DCDC1: variants seen among roughly 807,000 people sequenced by gnomAD.
DCDC1 encodes the protein doublecortin domain containing 1, also known as doublecortin domain-containing protein 1.
A neutral mutation model predicts 178.3 loss-of-function variants in DCDC1; 200 were observed. The observed-to-expected ratio is 1.12, with a 90% CI of 1.00 to 1.26. DCDC1 has a LOEUF of 1.26. Ranked by LOEUF, DCDC1 falls within the 50% of genes most tolerant of loss-of-function variation. The probability of loss-of-function intolerance (pLI) is 0.00; values close to 1 mark genes in which losing one functional copy is unlikely to be tolerated. For synonymous variants in DCDC1, 690 were observed against 604.8 expected (o/e 1.14, Z -2.07); for missense variants, 1,983 against 1,749.2 (o/e 1.13, Z -2.38).
intron 4 of DCDC1, 26 bp downstream of exon 4, chr11:31,307,613 A>T (rs1411027262): frequency 6.2e-7 from 1 of 1,610,138 alleles, no homozygotes; most frequent in Non-Finnish European, 8.5e-7. Flanking sequence ...AATAGGTTAA[A>T]AAGAACAGAG....
At chr11:30,978,957 T>G (rs1372079182) in intron 20 of DCDC1, among the ~76,000 whole-genome samples, 1 of 152,198 alleles carries the variant, frequency 6.6e-6, no homozygotes, top group African/African-American at 2.4e-5. Context: ...TACATGTACA[T>G]GTAGGGACTT....
At chr11:30,980,167 G>A (rs1950321205) in intron 20 of DCDC1, among the ~76,000 whole-genome samples, 1 of 152,132 alleles carries the variant, frequency 6.6e-6, no homozygotes, top group Non-Finnish European at 1.5e-5. Context: ...CATCCCCAGT[G>A]CCTAGCACAG....
chr11:31,127,086 A>G lies in DCDC1; in HGVS notation c.1485+383T>C, dbSNP rs144081508. On this transcript the variant is annotated intron_variant, in intron 11 of 38. Coordinates refer to ENST00000684477, the MANE Select transcript of DCDC1 (RefSeq NM_001387274.1). ...ACCTGGCCTTTCACCTTCAATTTCT[A>G]TTGCCACTGTCTGTCAACTATTAAA... Among the ~76,000 whole-genome samples, 574 of 152,268 alleles carry G rather than the reference A, an allele frequency of 3.8e-3. 4 individuals are homozygous for G. Among genetic ancestry groups the G allele is most frequent in the African/African-American group, 0.013 (552 of 41,566 alleles).
intron 20 of DCDC1, among the ~76,000 whole-genome samples, chr11:31,022,379 A>G (rs969389355): frequency 1.3e-5 from 2 of 152,046 alleles, no homozygotes; most frequent in African/African-American, 2.4e-5. Context: ...CCTCTTCTTC[A>G]AAGGACACCA....
At chr11:31,276,989 A>G (rs1315267601) in intron 7 of DCDC1, among the ~76,000 whole-genome samples, 1 of 152,168 alleles carries the variant, frequency 6.6e-6, no homozygotes, top group East Asian at 1.9e-4. Context: ...GTTGATTTAT[A>G]ATGTACATGA....
In DCDC1 at chr11:31,238,347, G is replaced by C. The variant is rs189450772; in HGVS notation, c.1221+3103C>G. Among the ~76,000 whole-genome samples, 16 of 152,144 alleles carry C rather than the reference G, an allele frequency of 1.1e-4. No homozygotes were observed. The East Asian group carries it at 3.1e-3, about 29-fold the overall frequency. On this transcript the variant is annotated intron_variant, in intron 9 of 38. Coordinates refer to ENST00000684477, the MANE Select transcript of DCDC1 (RefSeq NM_001387274.1). ...TTTTGTTTACTGACAGCAACTAAAA[G>C]CTCTATGTGGGATGATAAATAAAGA... is the stretch of plus-strand genomic sequence containing the variant.
At chr11:31,309,615 T>C (rs1948652083) in intron 3 of DCDC1, among the ~76,000 whole-genome samples, 1 of 152,158 alleles carries the variant, frequency 6.6e-6, no homozygotes, top group South Asian at 2.1e-4. Flanking sequence ...AATAGTTACT[T>C]GAAGAGCAGA....
At chr11:30,873,378 G>GAA (rs1941811196) in intron 38 of DCDC1, among the ~76,000 whole-genome samples, 3 of 151,098 alleles carry the variant, frequency 2.0e-5, no homozygotes, top group East Asian at 1.9e-4. Context: ...GAGAGAGAGA[G>GAA]AGAGAGAGAA....
At chr11:31,249,189 C>A (rs35422373) in intron 8 of DCDC1, among the ~76,000 whole-genome samples, 2,101 of 152,178 alleles carry the variant, frequency 0.014, 30 homozygotes, top group South Asian at 0.055. Flanking sequence ...ATGATTATAT[C>A]TTCATGAATA....
At chr11:31,022,420 G>C (rs1952933910) in intron 20 of DCDC1, among the ~76,000 whole-genome samples, 1 of 151,868 alleles carries the variant, frequency 6.6e-6, no homozygotes, top group African/African-American at 2.4e-5. Flanking sequence ...ACCTTAATTT[G>C]GTATAACCTC....
chr11:31,045,198 G>A (rs1954752754), intron 20 of DCDC1, among the ~76,000 whole-genome samples: 1 of 151,968 alleles, frequency 6.6e-6, no homozygotes, highest in African/African-American at 2.4e-5. Flanking sequence ...ACACACATAT[G>A]CACACACCTT....
At chr11:30,884,914 G>A (rs1361013215) in intron 36 of DCDC1, among the ~76,000 whole-genome samples, 1 of 151,934 alleles carries the variant, frequency 6.6e-6, no homozygotes, top group African/African-American at 2.4e-5. Context: ...AAATCCTATA[G>A]GATGATTTTA....
intron 7 of DCDC1, among the ~76,000 whole-genome samples, chr11:31,275,592 C>T (rs1375961189): frequency 6.6e-6 from 1 of 152,066 alleles, no homozygotes; most frequent in Non-Finnish European, 1.5e-5. Flanking sequence ...GCAACCTCTG[C>T]CTCCCGGGTT....
At chr11:31,138,833 T>A (rs765137117) in intron 9 of DCDC1, among the ~76,000 whole-genome samples, 6 of 152,154 alleles carry the variant, frequency 3.9e-5, no homozygotes, top group East Asian at 1.9e-4. Flanking sequence ...TAGATGTGCA[T>A]ATATACTAGA....
At chr11:31,355,670 C>T (rs191714487) in intron 1 of DCDC1, among the ~76,000 whole-genome samples, 260 of 152,102 alleles carry the variant, frequency 1.7e-3, no homozygotes, top group Admixed American at 2.6e-3. Context: ...CAGGTTCAAG[C>T]GATTCTCCTG....
intron 4 of DCDC1, 41 bp from the exon 5 acceptor site, chr11:31,306,429 T>C: frequency 6.5e-7 from 1 of 1,541,634 alleles, no homozygotes; most frequent in Non-Finnish European, 8.7e-7. Flanking sequence ...GCATGCTAAT[T>C]AGTGAAAGCT....
intron 10 of DCDC1, among the ~76,000 whole-genome samples, chr11:31,136,304 ATAATT>A (rs1451672217): frequency 1.3e-5 from 2 of 152,146 alleles, no homozygotes; most frequent in Non-Finnish European, 2.9e-5. Flanking sequence ...AGTCAGAACT[ATAATT>A]TAAATCTGTG....
chr11:31,178,666 C>T (rs955564915), intron 9 of DCDC1, among the ~76,000 whole-genome samples: 11 of 152,098 alleles, frequency 7.2e-5, no homozygotes, highest in Non-Finnish European at 1.3e-4. Flanking sequence ...ACTTAAACAA[C>T]TCAACAATAA....
intron 2 of DCDC1, 108 bp from the exon 3 acceptor site, chr11:31,328,394 C>A: frequency 9.1e-7 from 1 of 1,101,032 alleles, no homozygotes; most frequent in African/African-American, 1.6e-5. Flanking sequence ...TGATTCTAGA[C>A]CATATAGCAA....
Sources: allele counts gnomAD v4.1 joint callset (sites outside exome capture counted in the v4.1 genomes callset), GRCh38; gene constraint gnomAD v4.1.1; transcripts MANE v1.5; gene names NCBI Gene and HGNC (gene_info 2026-07-23, HGNC 2026-07-21).